CAPN7: variants seen among roughly 807,000 people sequenced by gnomAD.
The protein encoded by CAPN7 is calpain 7, also known as calpain-7.
In CAPN7, 72 loss-of-function variants were observed where a neutral mutation model predicts 115.2. The observed-to-expected ratio is 0.63, with a 90% CI of 0.52 to 0.76. The LOEUF is 0.76. Among genes scored for constraint, CAPN7 ranks in the 30% least tolerant of loss-of-function variants. The pLI is 0.00. For missense variants in CAPN7, 905 were observed against 971.5 expected (o/e 0.93, Z 0.91); for synonymous variants, 344 against 322.3 (o/e 1.07, Z -0.72).
In CAPN7 at chr3:15,220,908, C is replaced by T; in HGVS notation, c.565C>T (p.Gln189Ter). Reference sequence around the variant, plus strand: ...CGCTAATCCCTTCCTTGAAAGACCTCAGTCATTTATAAGTCCTCAGTCATG... The same window carrying T: ...CGCTAATCCCTTCCTTGAAAGACCTTAGTCATTTATAAGTCCTCAGTCATG... ...LGANPFLERP[Q>*]SFISPQSCDA... The change falls in exon 5 of 21, where the codon CAG becomes TAG. Residue 189 changes from glutamine (Q) to a stop codon, truncating the protein, a stop_gained. Transcript: ENST00000253693. LOFTEE classifies it high-confidence loss of function. 1 of 1,614,146 alleles carries T rather than the reference C, an allele frequency of 6.2e-7. No homozygotes were observed. Among genetic ancestry groups the T allele is most frequent in the Non-Finnish European group, 8.5e-7 (1 of 1,180,010 alleles).
In CAPN7 at chr3:15,217,483, T is replaced by G. The variant is rs779424564; in HGVS notation, c.270T>G (p.Ala90=). ...KSKHQLDLER[A]HFLVTQAFDE... ...AACATCAGTTGGACTTAGAGCGTGC[T>G]CATTTCCTTGTTACACAAGCTTTTG... Residue 90 remains alanine, a synonymous_variant, in exon 3 of 21, where the codon GCT becomes GCG. Coordinates refer to ENST00000253693, the MANE Select transcript of CAPN7 (RefSeq NM_014296.3). 91 of 1,613,812 alleles carry G rather than the reference T, an allele frequency of 5.6e-5. No homozygotes were observed. The highest frequency in any genetic ancestry group is 3.3e-4 in the Admixed American group (20 of 60,000).
chr3:15,252,320 T>C lies in CAPN7; in HGVS notation c.*1060T>C, dbSNP rs1016894721. The C allele has an allele frequency of 6.6e-6, 1 of 152,630 alleles. No homozygotes were observed. Among genetic ancestry groups the C allele is most frequent in the East Asian group, 1.9e-4 (1 of 5,202 alleles). The allele number at this position is 152,630 out of a possible 1,614,324, so 9.5% of individuals were successfully genotyped here. ...ACTTACGGATATTGCATAGTTTAAG[T>C]TAGATTTATTGAAAGATTTCATCTG... On this transcript the variant is annotated 3_prime_UTR_variant, in exon 21 of 21. Coordinates refer to ENST00000253693, the MANE Select transcript of CAPN7 (RefSeq NM_014296.3).
At chr3:15,221,852 C>G (rs1266035651) in intron 5 of CAPN7, among the ~76,000 whole-genome samples, 4 of 151,656 alleles carry the variant, frequency 2.6e-5, no homozygotes, top group South Asian at 4.2e-4. Context: ...CACTGTAATC[C>G]CAGCTACTTG....
intron 8 of CAPN7, 77 bp from the exon 9 acceptor site, chr3:15,230,365 C>G: frequency 1.1e-6 from 1 of 923,874 alleles, no homozygotes; most frequent in Non-Finnish European, 1.7e-6. Flanking sequence ...TAGTATATAC[C>G]TGAATGAAAT....
Position 15,235,052 on chromosome 3 carries a change from T to A in CAPN7, c.1314T>A (p.Thr438=), listed in dbSNP as rs759812578. 6.2e-7 allele frequency: 1 copy of A among 1,613,318 alleles called. No homozygotes were observed. Among genetic ancestry groups the A allele is most frequent in the Admixed American group, 1.7e-5 (1 of 59,918 alleles). Residue 438 remains threonine (T), a synonymous_variant, in exon 12 of 21, where the codon ACT becomes ACA. Coordinates refer to ENST00000253693, the MANE Select transcript of CAPN7 (RefSeq NM_014296.3). ...TTCACAAAGGAGATGTCCTCATCAC[T>A]GCGTCAACTGGAATGATGACAGAAG... is the stretch of plus-strand genomic sequence containing the variant. ...QRFHKGDVLI[T]ASTGMMTEAE...
chr3:15,221,489 G>A (rs936804261), intron 5 of CAPN7, among the ~76,000 whole-genome samples: 5 of 151,528 alleles, frequency 3.3e-5, no homozygotes, highest in African/African-American at 9.7e-5. Flanking sequence ...CACTGTGCCC[G>A]GCTTTAGTTC....
Position 15,230,489 on chromosome 3 carries a change from G to A in CAPN7, c.986G>A (p.Cys329Tyr), listed in dbSNP as rs1694618434. Residue 329 changes from cysteine (C) to tyrosine (Y), a missense_variant, in exon 9 of 21, where the codon TGT becomes TAT. This residue lies in a region of CAPN7 where 620 missense variants were observed against 703.4 expected (regional missense o/e 0.88). Transcript: ENST00000253693. ...GATGGTGAACCAGAATACAATCCAT[G>A]TGGGAAGTATATGGTAAAACTTCAC... Reference protein sequence around the residue: ...NKDGEPEYNPCGKYMVKLHLN... With the variant: ...NKDGEPEYNPYGKYMVKLHLN... 6.2e-7 allele frequency: 1 copy of A among 1,613,086 alleles called. No individual in the cohort carries two copies. The highest frequency in any genetic ancestry group is 1.1e-5 in the South Asian group (1 of 91,052).
chr3:15,212,175 T>G lies in CAPN7; in HGVS notation c.174T>G (p.Thr58=). 1 of 1,609,602 alleles carries G rather than the reference T, an allele frequency of 6.2e-7. No homozygotes were observed. ...SSLENIQEKI[T]EYLERVQALH... is the part of the protein sequence containing the mutation. ...TAGAAAATATTCAAGAAAAAATAAC[T>G]GAGTATCTGGAAAGAGTTCAAGCTC... Residue 58 remains threonine, a synonymous_variant, in exon 2 of 21, where the codon ACT becomes ACG. Coordinates refer to ENST00000253693, the MANE Select transcript of CAPN7 (RefSeq NM_014296.3).
In CAPN7 at chr3:15,241,575, A is replaced by G. The variant is rs777643390; in HGVS notation, c.1775A>G (p.His592Arg). 2.5e-6 allele frequency: 4 copies of G among 1,613,904 alleles called. No homozygotes were observed. In the Admixed American group the frequency reaches 6.7e-5, roughly 27 times the overall value. ...GAAVWVLLSR[H>R]ITDKDDFANN... ...GCAGTTTGGGTTTTGCTTAGTAGAC[A>G]CATAACAGACAAGGTACTGATACCC... The change falls in exon 15 of 21, where the codon CAC becomes CGC. Residue 592 changes from histidine to arginine, a missense_variant. Physicochemically the swap from His to Arg is conservative, Grantham distance 29. Transcript: ENST00000253693.
At chr3:15,208,052 A>G (rs2044728578) in intron 1 of CAPN7, among the ~76,000 whole-genome samples, 1 of 152,178 alleles carries the variant, frequency 6.6e-6, no homozygotes, top group South Asian at 2.1e-4. Flanking sequence ...GTGTTGTGCT[A>G]TGACATTATG....
At chr3:15,240,404 A>G in intron 12 of CAPN7, 69 bp from the exon 13 acceptor site, 1 of 1,376,904 alleles carries the variant, frequency 7.3e-7, no homozygotes. Context: ...TTCATCCTCT[A>G]ATAAGAGAAC....
At chr3:15,234,619 T>C (rs969426643) in intron 11 of CAPN7, among the ~76,000 whole-genome samples, 6 of 152,288 alleles carry the variant, frequency 3.9e-5, no homozygotes, top group Middle Eastern at 3.4e-3. Context: ...AAATGGATAA[T>C]CCATATCCAT....
rs184735373 is a variant in CAPN7 at position 15,230,795 on chromosome 3, A to G, written c.1032+260A>G. Among the ~76,000 whole-genome samples the G allele has an allele frequency of 3.1e-3, 466 of 152,360 alleles. 6 individuals carry two copies. The highest frequency in any genetic ancestry group is 0.025 in the Admixed American group (382 of 15,304). On this transcript the variant is annotated intron_variant, in intron 9 of 20. Transcript: ENST00000253693. ...AAGTAACGTTCAACTAAGGATTGCT[A>G]ATGCTTAAAATAAATTTTCATCTGA... is the stretch of plus-strand genomic sequence containing the variant.
chr3:15,232,891 T>C (rs1350593425), intron 10 of CAPN7, among the ~76,000 whole-genome samples: 1 of 152,224 alleles, frequency 6.6e-6, no homozygotes, highest in Non-Finnish European at 1.5e-5. Flanking sequence ...AGGCCAATTA[T>C]AAATACAGTG....
At chr3:15,212,017 T>C (rs1575156180) in intron 1 of CAPN7, 87 bp from the exon 2 acceptor site, 1 of 623,228 alleles carries the variant, frequency 1.6e-6, no homozygotes, top group Middle Eastern at 4.6e-4. Flanking sequence ...TTGTCATTCA[T>C]GGAAACCAAT....
intron 12 of CAPN7, among the ~76,000 whole-genome samples, chr3:15,237,382 A>G (rs950324103): frequency 1.3e-5 from 2 of 152,194 alleles, no homozygotes; most frequent in African/African-American, 2.4e-5. Flanking sequence ...TGGAACCACT[A>G]TGATATATGT....
Position 15,240,527 on chromosome 3 carries a change from A to G in CAPN7, c.1462A>G (p.Arg488Gly). The change falls in exon 13 of 21, where the codon AGA (arginine) becomes GGA (glycine). Residue 488 changes from arginine to glycine, a missense_variant. Physicochemically the swap from Arg to Gly is moderately radical, Grantham distance 125. Transcript: ENST00000253693. ...NPWSHLRWKG[R>G]YSENDVKNWT... ...TTGGAGTCATTTACGTTGGAAAGGA[A>G]GATACAGTGAAAATGATGTAAAAAA... The G allele has an allele frequency of 6.2e-7, 1 of 1,613,380 alleles. No homozygotes were observed. Among genetic ancestry groups the G allele is most frequent in the Admixed American group, 1.7e-5 (1 of 59,926 alleles).
intron 12 of CAPN7, among the ~76,000 whole-genome samples, chr3:15,237,061 AG>A (rs1695034679): frequency 6.6e-6 from 1 of 152,258 alleles, no homozygotes; most frequent in Non-Finnish European, 1.5e-5. Flanking sequence ...GTTATTAATA[AG>A]TTCTGATTAA....
intron 19 of CAPN7, among the ~76,000 whole-genome samples, chr3:15,248,503 A>G (rs564417131): frequency 3.3e-5 from 5 of 152,336 alleles, no homozygotes; most frequent in African/African-American, 9.6e-5. Context: ...AAGCAGAGCA[A>G]GAGAGTTATT....
Sources: gnomAD v4.1 joint callset for allele counts (sites outside exome capture counted in the v4.1 genomes callset) on GRCh38, gnomAD v4.1.1 for gene constraint, gnomAD v4.1.1 regional missense constraint, MANE v1.5 for transcripts, NCBI Gene and HGNC (gene_info 2026-07-23, HGNC 2026-07-21) for gene names.